The following ARHGAP18 variants were observed in gnomAD, a reference collection of about 807,000 sequenced individuals.
ARHGAP18 encodes rho GTPase-activating protein 18.
Under a neutral mutation model 86.2 loss-of-function variants are expected in ARHGAP18, and 67 were observed. The observed-to-expected ratio is 0.78, with a 90% CI of 0.64 to 0.95. ARHGAP18 has a LOEUF of 0.95. Ranked by LOEUF, ARHGAP18 falls within the 40% of genes least tolerant of loss-of-function variation. The pLI is 0.00. For synonymous variants in ARHGAP18, 283 were observed against 280.4 expected, an observed-to-expected ratio of 1.01 and a Z score of -0.09; for missense variants, 691 against 780.4, an observed-to-expected ratio of 0.89 and a Z score of 1.37.
chr6:129,585,019 CCTTT>C (rs1788367247), intron 12 of ARHGAP18, among the ~76,000 whole-genome samples: 1 of 99,178 alleles, frequency 1.0e-5, no homozygotes, highest in Admixed American at 1.1e-4. Context: ...AATATCATGT[CCTTT>C]TTTTTTTTTT....
chr6:129,684,654 C>A (rs1774395861), intron 1 of ARHGAP18, among the ~76,000 whole-genome samples: 1 of 152,128 alleles, frequency 6.6e-6, no homozygotes, highest in South Asian at 2.1e-4. Flanking sequence ...GAGGGTCCTC[C>A]AAAACAGCAT....
intron 5 of ARHGAP18, among the ~76,000 whole-genome samples, chr6:129,625,381 TATTA>T (rs1397721989): frequency 3.6e-5 from 3 of 83,684 alleles, no homozygotes; most frequent in Non-Finnish European, 5.8e-5. Context: ...ATATATTATA[TATTA>T]TATATTTATA....
chr6:129,621,205 T>C (rs1789222017), intron 5 of ARHGAP18, among the ~76,000 whole-genome samples: 1 of 152,190 alleles, frequency 6.6e-6, no homozygotes, highest in Admixed American at 6.5e-5. Context: ...TTTAAGTGTA[T>C]GAAGGAGTTG....
At chr6:129,626,083 C>CACAT (rs1473873687) in intron 5 of ARHGAP18, among the ~76,000 whole-genome samples, 1 of 127,832 alleles carries the variant, frequency 7.8e-6, no homozygotes, top group African/African-American at 2.8e-5. Context: ...CACACACACA[C>CACAT]ACACACACAC....
chr6:129,646,838 A>G (rs1306642937), intron 1 of ARHGAP18, among the ~76,000 whole-genome samples: 1 of 152,216 alleles, frequency 6.6e-6, no homozygotes, highest in African/African-American at 2.4e-5. Flanking sequence ...TTATGAAAAC[A>G]GTTTTACTCT....
chr6:129,609,637 A>G (rs778820167), intron 8 of ARHGAP18, among the ~76,000 whole-genome samples: 3 of 151,238 alleles, frequency 2.0e-5, no homozygotes, highest in Non-Finnish European at 4.4e-5. Flanking sequence ...TCGTCTCAGA[A>G]TCACACAATG....
chr6:129,599,071 C>T (rs1771162409), intron 12 of ARHGAP18, 145 bp downstream of exon 12: 2 of 642,152 alleles, frequency 3.1e-6, no homozygotes, highest in African/African-American at 1.9e-5. Flanking sequence ...AGTAGGAAGA[C>T]AGTTACTGAT....
chr6:129,670,366 T>C (rs1284117198), intron 1 of ARHGAP18, among the ~76,000 whole-genome samples: 1 of 152,226 alleles, frequency 6.6e-6, no homozygotes, highest in African/African-American at 2.4e-5. Context: ...GTATTTTAAA[T>C]ATTCTTCAAT....
chr6:129,617,226 A>G (rs1789116219), intron 6 of ARHGAP18, among the ~76,000 whole-genome samples: 1 of 152,248 alleles, frequency 6.6e-6, no homozygotes, highest in Non-Finnish European at 1.5e-5. Flanking sequence ...TCTGGTATGA[A>G]CATGGCTTCG....
At chr6:129,660,494 T>C (rs894825968) in intron 1 of ARHGAP18, among the ~76,000 whole-genome samples, 22 of 112,658 alleles carry the variant, frequency 2.0e-4, no homozygotes, top group Admixed American at 1.4e-3. Flanking sequence ...AAAGTGAAGA[T>C]AGGAAAAAAA....
chr6:129,667,469 A>G (rs9492356), intron 1 of ARHGAP18, among the ~76,000 whole-genome samples: 4,428 of 104,214 alleles, frequency 0.042, 205 homozygotes, highest in African/African-American at 0.15. Flanking sequence ...AAAAATATAT[A>G]TGTGTGTGTG....
chr6:129,644,787 T>C (rs578088061), intron 1 of ARHGAP18, among the ~76,000 whole-genome samples: 3 of 152,336 alleles, frequency 2.0e-5, no homozygotes, highest in South Asian at 4.1e-4. Flanking sequence ...TAAGATAGCA[T>C]GTGCAGAAAA....
intron 12 of ARHGAP18, among the ~76,000 whole-genome samples, chr6:129,591,361 G>A (rs1404873823): frequency 1.3e-5 from 2 of 151,980 alleles, no homozygotes; most frequent in South Asian, 2.1e-4. Flanking sequence ...GGGGAGGAGC[G>A]TGCTTGTGAA....
At chr6:129,706,885 CAAAAAAAAA>C (rs34099358) in intron 1 of ARHGAP18, among the ~76,000 whole-genome samples, 1 of 61,020 alleles carries the variant, frequency 1.6e-5, no homozygotes, top group Non-Finnish European at 3.0e-5. Context: ...GACTCTGTCT[CAAAAAAAAA>C]AAAAAAAAAA....
At chr6:129,620,824 A>C (rs1269854300) in intron 5 of ARHGAP18, among the ~76,000 whole-genome samples, 2 of 152,218 alleles carry the variant, frequency 1.3e-5, no homozygotes, top group East Asian at 3.8e-4. Context: ...AAAAGTTCAG[A>C]ACTATTTTAA....
intron 11 of ARHGAP18, among the ~76,000 whole-genome samples, chr6:129,599,859 A>G (rs1278018496): frequency 6.6e-6 from 1 of 152,244 alleles, no homozygotes; most frequent in Non-Finnish European, 1.5e-5. Context: ...AAATCACATT[A>G]GCAAAAACAA....
intron 1 of ARHGAP18, among the ~76,000 whole-genome samples, chr6:129,678,046 T>C (rs188152585): frequency 2.0e-5 from 3 of 152,354 alleles, no homozygotes; most frequent in Admixed American, 2.0e-4. Flanking sequence ...CTGCCTTACA[T>C]TTCTACCAAA....
Position 129,592,712 on chromosome 6 carries a change from A to T in ARHGAP18, c.1713+6504T>A, listed in dbSNP as rs1162784340. On this transcript the variant is annotated intron_variant, in intron 12 of 14. Transcript: ENST00000368149. ...AGCCTCCCTTTGAGAGGTGAGCTTGAATGGCAGAAGAAACATCATACAAAC... is the reference window on the plus strand; with the variant it reads ...AGCCTCCCTTTGAGAGGTGAGCTTGTATGGCAGAAGAAACATCATACAAAC... Among the ~76,000 whole-genome samples, 5 of 152,146 alleles carry T rather than the reference A, an allele frequency of 3.3e-5. No homozygotes were observed. The East Asian group carries it at 9.6e-4, about 29-fold the overall frequency.
intron 1 of ARHGAP18, among the ~76,000 whole-genome samples, chr6:129,685,316 G>A (rs1249977916): frequency 1.3e-5 from 2 of 152,096 alleles, no homozygotes; most frequent in African/African-American, 4.8e-5. Context: ...AGACCAGCCT[G>A]GCCAACATGG....
Sources: allele counts gnomAD v4.1 joint callset (sites outside exome capture counted in the v4.1 genomes callset), GRCh38; gene constraint gnomAD v4.1.1; transcripts MANE v1.5; gene names NCBI Gene and HGNC (gene_info 2026-07-23, HGNC 2026-07-21).